CCDC40: variants seen among roughly 807,000 people sequenced by gnomAD.
CCDC40 encodes coiled-coil domain 40 molecular ruler complex subunit.
Under a neutral mutation model 124.5 loss-of-function variants are expected in CCDC40, and 104 were observed. The ratio of observed to expected loss-of-function variants is 0.84; its 90% confidence interval spans 0.71 to 0.98. CCDC40 has a LOEUF of 0.98. Among genes scored for constraint, CCDC40 ranks in the 50% least tolerant of loss-of-function variants. The pLI is 0.00. For missense variants in CCDC40, 1,463 were observed against 1,503.9 expected (o/e 0.97, Z 0.45); for synonymous variants, 580 against 602.9 (o/e 0.96, Z 0.56).
Position 80,099,706 on chromosome 17 carries a change from G to T in CCDC40, c.3360G>T (p.Gln1120His), listed in dbSNP as rs1041877746. Residue 1120 changes from glutamine (Q) to histidine (H), a missense_variant, in exon 20 of 20, where the codon CAG (glutamine) becomes CAT (histidine). By Grantham distance (24) the Gln-to-His change is conservative. Coordinates refer to ENST00000397545, the MANE Select transcript of CCDC40 (RefSeq NM_017950.4). The stretch of plus-strand genomic sequence containing the variant: ...ACCGCGTGCGGGACGAGTACCCCCA[G>T]TTCCAGGAGGCCCTGCACAAGGTCA... ...ILDRVRDEYP[Q>H]FQEALHKVSQ... The T allele has an allele frequency of 3.7e-6, 6 of 1,613,826 alleles. No homozygotes were observed. The South Asian group carries it at 5.5e-5, about 15-fold the overall frequency.
intron 13 of CCDC40, 106 bp downstream of exon 13, chr17:80,085,094 A>G: frequency 7.1e-7 from 1 of 1,402,234 alleles, no homozygotes; most frequent in South Asian, 1.2e-5. Flanking sequence ...TGGAAGGCAC[A>G]GAACTGCCTC....
intron 3 of CCDC40, among the ~76,000 whole-genome samples, chr17:80,041,542 C>T (rs2037283665): frequency 6.6e-6 from 1 of 151,992 alleles, no homozygotes. Context: ...TTGCCTTGCT[C>T]CATTTCCAAG....
chr17:80,044,716 A>ATAT lies in CCDC40; in HGVS notation c.553-2563_553-2562insTAT, dbSNP rs1396709278. 9.1e-5 allele frequency among the ~76,000 whole-genome samples: 12 copies of ATAT among 131,756 alleles called. 1 individual carries two copies. The highest frequency in any genetic ancestry group is 2.1e-4 in the East Asian group (1 of 4,652). 86.4% of individuals were successfully genotyped at this position (131,756 alleles called of 152,430 possible). On this transcript the variant is annotated intron_variant, in intron 3 of 19. Coordinates refer to ENST00000397545, the MANE Select transcript of CCDC40 (RefSeq NM_017950.4). ...AACAAAACAAACAAACAAAAAAAAA[A>ATAT]ATATATATATATATATATATATCTC...
intron 12 of CCDC40, 73 bp from the exon 13 acceptor site, chr17:80,084,670 C>T (rs931160751): frequency 2.2e-5 from 35 of 1,570,882 alleles, no homozygotes; most frequent in South Asian, 8.9e-5. Flanking sequence ...CGTCAGGGAA[C>T]GGTGGATCAG....
At chr17:80,057,675 G>A (rs1323076083) in intron 7 of CCDC40, among the ~76,000 whole-genome samples, 1 of 151,952 alleles carries the variant, frequency 6.6e-6, no homozygotes, top group African/African-American at 2.4e-5. Flanking sequence ...AGGAGATGGA[G>A]ATTATCCTGG....
intron 10 of CCDC40, among the ~76,000 whole-genome samples, chr17:80,071,594 A>T (rs917311067): frequency 1.3e-5 from 2 of 152,208 alleles, no homozygotes; most frequent in Non-Finnish European, 2.9e-5. Context: ...ATGGTATTAA[A>T]GCAACAGGCA....
Position 80,039,887 on chromosome 17 carries a change from A to G in CCDC40, c.169A>G (p.Thr57Ala), listed in dbSNP as rs774494850. The G allele has an allele frequency of 5.6e-6, 9 of 1,613,944 alleles. No homozygotes were observed. Among genetic ancestry groups the G allele is most frequent in the Non-Finnish European group, 5.9e-6 (7 of 1,179,990 alleles). Residue 57 changes from threonine to alanine, a missense_variant, in exon 3 of 20, where the codon ACA (threonine) becomes GCA (alanine). Transcript: ENST00000397545. ...VGSTEHPEEV[T>A]TQAEAAIEEG... Reference sequence around the variant, plus strand: ...TAGCACAGAGCATCCTGAGGAAGTCACAACCCAAGCGGAAGCTGCAATTGA... The same window carrying G: ...TAGCACAGAGCATCCTGAGGAAGTCGCAACCCAAGCGGAAGCTGCAATTGA...
intron 9 of CCDC40, among the ~76,000 whole-genome samples, chr17:80,059,934 G>T (rs1028906040): frequency 7.2e-5 from 11 of 152,188 alleles, no homozygotes. Flanking sequence ...AGGGCCCGGG[G>T]CTGGGCGTTA....
Position 80,088,209 on chromosome 17 carries a change from T to C in CCDC40, c.2711+107T>C, listed in dbSNP as rs901651712. 4 of 766,540 alleles carry C rather than the reference T, an allele frequency of 5.2e-6. No homozygotes were observed. In the African/African-American group the frequency reaches 6.9e-5, roughly 13 times the overall value. 47.5% of individuals were successfully genotyped at this position (766,540 alleles called of 1,614,324 possible). A position where few individuals can be genotyped will look rare whatever the true frequency, so the allele number is the denominator to read the frequency against. On this transcript the variant is annotated intron_variant, in intron 16 of 19. Coordinates refer to ENST00000397545, the MANE Select transcript of CCDC40 (RefSeq NM_017950.4). ...GGCCAGGTGTGGCAGCTCACACCCA[T>C]ATCCCAGTGCTTTGGTCATTTTTTG...
rs780998644 is a variant in CCDC40 at position 80,095,408 on chromosome 17, A to G, written c.2978A>G (p.His993Arg). The change falls in exon 18 of 20, where the codon CAC becomes CGC. Residue 993 changes from histidine (H) to arginine (R), a missense_variant. By Grantham distance (29) the His-to-Arg change is conservative. Transcript: ENST00000397545. ...GCGCTCACCCGCACCGACTTCCACCACAAGCAGCTTGAGCTGCGCCGGAAA... is the reference window on the plus strand; with the variant it reads ...GCGCTCACCCGCACCGACTTCCACCGCAAGCAGCTTGAGCTGCGCCGGAAA... ...RKALTRTDFHHKQLELRRKIR... is the reference protein window; with the variant it reads ...RKALTRTDFHRKQLELRRKIR... The G allele has an allele frequency of 5.6e-6, 9 of 1,614,148 alleles. No homozygotes were observed. The South Asian group carries it at 9.9e-5, about 18-fold the overall frequency.
chr17:80,040,472 A>C (rs1168787386), intron 3 of CCDC40: 29 of 597,232 alleles, frequency 4.9e-5, no homozygotes, highest in Non-Finnish European at 1.5e-5. Flanking sequence ...TGAGGTCAGG[A>C]GTTCGAGACC....
chr17:80,052,240 A>G (rs889362873), intron 7 of CCDC40, among the ~76,000 whole-genome samples: 3 of 152,216 alleles, frequency 2.0e-5, no homozygotes, highest in Non-Finnish European at 4.4e-5. Flanking sequence ...AGGTCCCACA[A>G]TAGGCCGTCT....
intron 7 of CCDC40, among the ~76,000 whole-genome samples, chr17:80,054,643 T>C (rs985882246): frequency 2.6e-5 from 4 of 152,146 alleles, no homozygotes; most frequent in Non-Finnish European, 5.9e-5. Context: ...AATTCACAAT[T>C]AGGAAATCTA....
chr17:80,067,947 T>C, intron 10 of CCDC40: 1 of 1,157,072 alleles, frequency 8.6e-7, no homozygotes, highest in African/African-American at 1.6e-5. Context: ...GCACAAACAC[T>C]TCACAACGAG....
At position 80,058,474 on chromosome 17, in the gene CCDC40, TC is replaced by T; in HGVS notation, c.1160-15del. 1.2e-6 allele frequency: 2 copies of T among 1,611,992 alleles called. No homozygotes were observed. Among genetic ancestry groups the T allele is most frequent in the Non-Finnish European group, 1.7e-6 (2 of 1,179,424 alleles). ...TCCCCACTCACTCTCTCTCTCTTTC[TC>T]CCCCGCCGCGCCCCGCAGTGGCGGC... is the stretch of plus-strand genomic sequence containing the variant. On this transcript the variant is annotated intron_variant, in intron 7 of 19. Transcript: ENST00000397545. The surrounding 1 kb of genome is among the most constrained non-coding windows in gnomAD (Gnocchi z 4.2).
At chr17:80,091,324 C>T (rs1169671631) in intron 17 of CCDC40, among the ~76,000 whole-genome samples, 1 of 150,322 alleles carries the variant, frequency 6.7e-6, no homozygotes, top group East Asian at 1.9e-4. Flanking sequence ...CACACACACA[C>T]ACACACACAC....
At position 80,099,877 on chromosome 17, in the gene CCDC40, T is replaced by C; in HGVS notation, c.*102T>C. ...CTTTTGTGTTCCTAAAAACCACATG[T>C]ACCCTCAGAAGGGCATCGTTTAAGA... On this transcript the variant is annotated 3_prime_UTR_variant, in exon 20 of 20. Transcript: ENST00000397545. The C allele has an allele frequency of 7.5e-7, 1 of 1,330,876 alleles. No homozygotes were observed. Among genetic ancestry groups the C allele is most frequent in the East Asian group, 2.4e-5 (1 of 41,442 alleles). The allele number at this position is 1,330,876 out of a possible 1,614,324, so 82.4% of individuals were successfully genotyped here.
rs774273644 is a variant in CCDC40 at position 80,087,708 on chromosome 17, C to T, written c.2551C>T (p.Arg851Trp). 9.9e-6 allele frequency: 16 copies of T among 1,613,820 alleles called. No homozygotes were observed. The highest frequency in any genetic ancestry group is 9.9e-5 in the South Asian group (9 of 91,086). Residue 851 changes from arginine to tryptophan, a missense_variant, in exon 15 of 20, where the codon CGG (arginine) becomes TGG (tryptophan). Physicochemically the swap from Arg to Trp is moderately radical, Grantham distance 101. Coordinates refer to ENST00000397545, the MANE Select transcript of CCDC40 (RefSeq NM_017950.4). The surrounding 1 kb of genome is among the most constrained non-coding windows in gnomAD (Gnocchi z 4.5). ...KKLNMLMNKN[R>W]CSSEELEQNN... The stretch of plus-strand genomic sequence containing the variant: ...GCTCAACATGTTGATGAATAAAAAC[C>T]GGTGCAGCTCGGAGGAGCTGGAGCA...
chr17:80,045,869 A>G (rs1476337699), intron 3 of CCDC40, among the ~76,000 whole-genome samples: 1 of 151,678 alleles, frequency 6.6e-6, no homozygotes. Context: ...TTCTGCTAGG[A>G]CAGCTGCCAG....
Sources: allele counts gnomAD v4.1 joint callset (sites outside exome capture counted in the v4.1 genomes callset), GRCh38; gene constraint gnomAD v4.1.1; non-coding constraint Gnocchi (gnomAD v3.1); transcripts MANE v1.5; gene names NCBI Gene and HGNC (gene_info 2026-07-23, HGNC 2026-07-21).